Variants in LONP2 observed in about 807,000 individuals in gnomAD.
LONP2 encodes the protein lon peptidase 2, peroxisomal.
Under a neutral mutation model 85.6 loss-of-function variants are expected in LONP2, and 60 were observed. That is an observed-to-expected ratio of 0.70 (90% confidence interval 0.57 to 0.87). LONP2 has a LOEUF of 0.87. Among genes scored for constraint, LONP2 ranks in the 40% least tolerant of loss-of-function variants. The pLI is 0.00. For synonymous variants in LONP2, 395 were observed against 389.7 expected (o/e 1.01, Z -0.16); for missense variants, 860 against 1,063.5 (o/e 0.81, Z 2.66).
At chr16:48,293,569 G>A (rs1972603324) in intron 8 of LONP2, among the ~76,000 whole-genome samples, 1 of 152,176 alleles carries the variant, frequency 6.6e-6, no homozygotes, top group Non-Finnish European at 1.5e-5. Flanking sequence ...AGTGACAGGA[G>A]GAGAGTGAAT....
chr16:48,302,900 A>C (rs536162956), intron 10 of LONP2, among the ~76,000 whole-genome samples: 2 of 152,342 alleles, frequency 1.3e-5, no homozygotes, highest in Admixed American at 6.5e-5. Context: ...TTACTTTGGC[A>C]ATGTAAATTG....
rs538434391 is a variant in LONP2, at chr16:48,316,303, C to T, written c.1795+12998C>T. Among the ~76,000 whole-genome samples the T allele has an allele frequency of 4.6e-4, 69 of 150,476 alleles. 1 individual carries two copies. In the South Asian group the frequency reaches 0.011, roughly 24 times the overall value. On this transcript the variant is annotated intron_variant, in intron 11 of 14. Transcript: ENST00000285737. ...TGCTGGGATTACAGGCATGAGCCAC[C>T]GCGCCCAGCCCATTGGATTCTTTTT...
intron 7 of LONP2, among the ~76,000 whole-genome samples, chr16:48,274,747 G>A (rs16946047): frequency 0.014 from 2,091 of 151,984 alleles, 48 homozygotes; most frequent in African/African-American, 0.048. Flanking sequence ...TTTTTCTACC[G>A]TACAAAGATA....
At chr16:48,278,169 A>G (rs1262910257) in intron 8 of LONP2, among the ~76,000 whole-genome samples, 2 of 151,732 alleles carry the variant, frequency 1.3e-5, no homozygotes, top group Non-Finnish European at 2.9e-5. Flanking sequence ...GTTTTTCTCT[A>G]CTTTTTAAGA....
intron 8 of LONP2, among the ~76,000 whole-genome samples, chr16:48,286,142 C>CTTT (rs112681466): frequency 7.3e-6 from 1 of 137,378 alleles, no homozygotes. Flanking sequence ...GATTTGTAAT[C>CTTT]TTTTTTTTTT....
rs755324449 is a variant in LONP2 at position 48,347,671 on chromosome 16, C to T, written c.2103C>T (p.Ile701=). The T allele has an allele frequency of 1.2e-6, 2 of 1,614,148 alleles. No individual in the cohort carries two copies. Among genetic ancestry groups the T allele is most frequent in the East Asian group, 2.2e-5 (1 of 44,882 alleles). The stretch of plus-strand genomic sequence containing the variant: ...TGAAGGAGTCCGCCCACCTCGCTAT[C>T]AGCTGGCTCCGCAGCAACGCAAAGA... ...DVMKESAHLA[I]SWLRSNAKKY... The change falls in exon 13 of 15, where the codon ATC becomes ATT. Residue 701 remains isoleucine (I), a synonymous_variant. Coordinates refer to ENST00000285737, the MANE Select transcript of LONP2 (RefSeq NM_031490.5).
chr16:48,249,223 T>C (rs1971557860), intron 1 of LONP2, among the ~76,000 whole-genome samples: 2 of 152,168 alleles, frequency 1.3e-5, no homozygotes, highest in Non-Finnish European at 2.9e-5. Context: ...TTGAACAATA[T>C]CATAATTAGG....
At chr16:48,266,258 G>T (rs1453366667) in intron 6 of LONP2, among the ~76,000 whole-genome samples, 1 of 151,804 alleles carries the variant, frequency 6.6e-6, no homozygotes, top group Non-Finnish European at 1.5e-5. Context: ...ACCTGCCTCG[G>T]CCTCCCAAAG....
intron 11 of LONP2, among the ~76,000 whole-genome samples, chr16:48,329,663 G>A (rs904522162): frequency 1.3e-5 from 2 of 152,252 alleles, no homozygotes; most frequent in South Asian, 2.1e-4. Context: ...GAAATGTATC[G>A]CCTGTGGAGA....
rs924073132 is a variant in LONP2, at chr16:48,256,505, A to G, written c.469-105A>G. Reference sequence around the variant, plus strand: ...CTATATTAATCAGTGATCTTTCAAAAACAAAGACTGAGGCCCAAACATTAA... The same window carrying G: ...CTATATTAATCAGTGATCTTTCAAAGACAAAGACTGAGGCCCAAACATTAA... On this transcript the variant is annotated intron_variant, in intron 2 of 14. Transcript: ENST00000285737. 9 of 1,231,450 alleles carry G rather than the reference A, an allele frequency of 7.3e-6. No individual in the cohort carries two copies. In the East Asian group the frequency reaches 2.1e-4, roughly 29 times the overall value. The allele number at this position is 1,231,450 out of a possible 1,614,324, so 76.3% of individuals were successfully genotyped here.
At chr16:48,327,996 T>C (rs1959299950) in intron 11 of LONP2, among the ~76,000 whole-genome samples, 1 of 152,170 alleles carries the variant, frequency 6.6e-6, no homozygotes, top group Admixed American at 6.5e-5. Context: ...TAGAGAGCAC[T>C]TTGTTTTCTT....
At chr16:48,326,633 C>T (rs1959244362) in intron 11 of LONP2, among the ~76,000 whole-genome samples, 1 of 152,114 alleles carries the variant, frequency 6.6e-6, no homozygotes, top group Admixed American at 6.5e-5. Context: ...ATGTTTCTGG[C>T]CTCCCTGCTA....
intron 1 of LONP2, among the ~76,000 whole-genome samples, chr16:48,248,719 A>C (rs1337161108): frequency 6.6e-6 from 1 of 152,040 alleles, no homozygotes. Context: ...CTTTGAGTAA[A>C]AAAATTTTTT....
At chr16:48,334,829 G>A in intron 12 of LONP2, 1 of 526,776 alleles carries the variant, frequency 1.9e-6, no homozygotes. Context: ...GGTCTGGCCT[G>A]TGAGGGTCTT....
intron 6 of LONP2, among the ~76,000 whole-genome samples, chr16:48,267,310 A>G (rs961916061): frequency 6.6e-6 from 1 of 152,138 alleles, no homozygotes; most frequent in African/African-American, 2.4e-5. Context: ...ATTCATATAT[A>G]TATTTTTGAG....
intron 1 of LONP2, 72 bp from the exon 2 acceptor site, chr16:48,252,059 A>G (rs1971663904): frequency 1.7e-6 from 2 of 1,170,244 alleles, no homozygotes; most frequent in South Asian, 4.3e-5. Context: ...AGAAAAGCCA[A>G]CACTTTCTGA....
chr16:48,283,204 A>C (rs1403141292), intron 8 of LONP2, among the ~76,000 whole-genome samples: 1 of 152,228 alleles, frequency 6.6e-6, no homozygotes, highest in Non-Finnish European at 1.5e-5. Context: ...TACAACATAA[A>C]GTGCAAAGGG....
At chr16:48,312,057 C>T (rs1336190507) in intron 11 of LONP2, among the ~76,000 whole-genome samples, 1 of 152,088 alleles carries the variant, frequency 6.6e-6, no homozygotes, top group Non-Finnish European at 1.5e-5. Flanking sequence ...TCTTGTGCCT[C>T]AGCCTCCTGA....
In LONP2 at chr16:48,262,854, T is replaced by G; in HGVS notation, c.964T>G (p.Trp322Gly). The G allele has an allele frequency of 6.2e-7, 1 of 1,610,022 alleles. No homozygotes were observed. Among genetic ancestry groups the G allele is most frequent in the Non-Finnish European group, 8.5e-7 (1 of 1,177,604 alleles). The change falls in exon 6 of 15, where the codon TGG (tryptophan) becomes GGG (glycine). Residue 322 changes from tryptophan to glycine, a missense_variant. This residue lies in a region of LONP2 where 743 missense variants were observed against 917.3 expected (regional missense o/e 0.81). Transcript: ENST00000285737. ...TTTGGAACTTATGGTAGAACTTCCTTGGAACAAAAGTACAACTGGTAAGCC... is the reference window on the plus strand; with the variant it reads ...TTTGGAACTTATGGTAGAACTTCCTGGGAACAAAAGTACAACTGGTAAGCC... ...NYLELMVELP[W>G]NKSTTDRLDI...
Sources: gnomAD v4.1 joint callset for allele counts (sites outside exome capture counted in the v4.1 genomes callset) on GRCh38, gnomAD v4.1.1 for gene constraint, gnomAD v4.1.1 regional missense constraint, MANE v1.5 for transcripts, NCBI Gene and HGNC (gene_info 2026-07-23, HGNC 2026-07-21) for gene names.